PCSK5: variants seen among roughly 807,000 people sequenced by gnomAD.
The protein encoded by PCSK5 is proprotein convertase subtilisin/kexin type 5, also known as prohormone convertase 5.
A neutral mutation model predicts 233.2 loss-of-function variants in PCSK5; 129 were observed. The ratio of observed to expected loss-of-function variants is 0.55; its 90% CI spans 0.48 to 0.64. PCSK5 has a LOEUF of 0.64. PCSK5 is among the 30% of genes least tolerant of loss of function. PCSK5 has a pLI of 0.00. For missense variants in PCSK5, 2,076 were observed against 2,430.1 expected, an observed-to-expected ratio of 0.85 and a Z score of 3.06; for synonymous variants, 825 against 879.2, an observed-to-expected ratio of 0.94 and a Z score of 1.09.
chr9:76,094,285 C>A (rs1220568285), intron 7 of PCSK5, among the ~76,000 whole-genome samples: 1 of 152,054 alleles, frequency 6.6e-6, no homozygotes. Context: ...AGACAGCATC[C>A]CCCAAATGCT....
chr9:76,146,203 A>T (rs1054337139), intron 10 of PCSK5, among the ~76,000 whole-genome samples: 1 of 152,114 alleles, frequency 6.6e-6, no homozygotes, highest in African/African-American at 2.4e-5. Context: ...GAAATTTCCA[A>T]AGTCATCCTT....
chr9:76,112,165 A>G (rs901079377), intron 9 of PCSK5, among the ~76,000 whole-genome samples: 1 of 152,212 alleles, frequency 6.6e-6, no homozygotes, highest in African/African-American at 2.4e-5. Context: ...GGAAAATTGA[A>G]GAATATATGT....
intron 7 of PCSK5, among the ~76,000 whole-genome samples, chr9:76,082,108 G>T (rs970258593): frequency 1.2e-4 from 18 of 152,008 alleles, no homozygotes; most frequent in African/African-American, 4.1e-4. Flanking sequence ...GGGCATATAG[G>T]TTCTCTCACA....
intron 9 of PCSK5, among the ~76,000 whole-genome samples, chr9:76,126,144 TGTTA>T (rs1401454733): frequency 6.6e-6 from 1 of 150,574 alleles, no homozygotes; most frequent in Non-Finnish European, 1.5e-5. Flanking sequence ...AATAGATTTC[TGTTA>T]GTCTTTGTTG....
At chr9:76,124,130 C>G (rs1341490397) in intron 9 of PCSK5, among the ~76,000 whole-genome samples, 1 of 151,896 alleles carries the variant, frequency 6.6e-6, no homozygotes, top group Admixed American at 6.6e-5. Context: ...GAGCCTGGGC[C>G]CTGAAGTATA....
intron 3 of PCSK5, among the ~76,000 whole-genome samples, chr9:76,003,800 T>G (rs1827360092): frequency 6.8e-6 from 1 of 146,220 alleles, no homozygotes; most frequent in Non-Finnish European, 1.5e-5. Context: ...ATTTATTCCA[T>G]CTCTCTCTCT....
At chr9:76,079,779 C>T (rs1303657178) in intron 7 of PCSK5, among the ~76,000 whole-genome samples, 4 of 152,084 alleles carry the variant, frequency 2.6e-5, no homozygotes, top group Non-Finnish European at 4.4e-5. Context: ...TTTGACTGTT[C>T]AGTGCCTTGT....
At chr9:76,013,892 C>A (rs1372606253) in intron 3 of PCSK5, among the ~76,000 whole-genome samples, 1 of 151,428 alleles carries the variant, frequency 6.6e-6, no homozygotes, top group Non-Finnish European at 1.5e-5. Context: ...TCTCCTTGAC[C>A]CTGTATGTCT....
In PCSK5 at chr9:76,025,149, A is replaced by G. The variant is rs530839813; in HGVS notation, c.555+1268A>G. Among the ~76,000 whole-genome samples, 8 of 152,312 alleles carry G rather than the reference A, an allele frequency of 5.3e-5. No individual in the cohort carries two copies. The East Asian group carries it at 5.8e-4, about 11-fold the overall frequency. On this transcript the variant is annotated intron_variant, in intron 4 of 37. Coordinates refer to ENST00000674117, the MANE Select transcript of PCSK5 (RefSeq NM_001372043.1). Reference sequence around the variant, plus strand: ...GATTTCCCGAAACATTTCAGGCTCTATGTACTAAAAGTTATTTTCAGAAAG... The same window carrying G: ...GATTTCCCGAAACATTTCAGGCTCTGTGTACTAAAAGTTATTTTCAGAAAG...
chr9:76,124,872 T>A (rs1298708476), intron 9 of PCSK5, among the ~76,000 whole-genome samples: 3 of 152,178 alleles, frequency 2.0e-5, no homozygotes. Flanking sequence ...TCCTTTGCTT[T>A]TGCTAATACC....
rs533818247 is a variant in PCSK5, at chr9:76,117,344, G to A, written c.1208+9993G>A. On this transcript the variant is annotated intron_variant, in intron 9 of 37. Transcript: ENST00000674117. ...AAAGATAATTACATCTGGCATGAAG[G>A]AAAAAATAAAACAAAGCATTATATT... 3.7e-3 allele frequency among the ~76,000 whole-genome samples: 564 copies of A among 152,096 alleles called. 1 individual carries two copies. The highest frequency in any genetic ancestry group is 0.01 in the Admixed American group (157 of 15,256).
intron 24 of PCSK5, among the ~76,000 whole-genome samples, chr9:76,259,120 G>C (rs1587812569): frequency 6.6e-6 from 1 of 152,334 alleles, no homozygotes; most frequent in East Asian, 1.9e-4. Context: ...ATGTCTGTCT[G>C]AAGCTAGAAC....
intron 34 of PCSK5, among the ~76,000 whole-genome samples, chr9:76,337,679 G>A (rs1314802959): frequency 6.6e-6 from 1 of 151,988 alleles, no homozygotes; most frequent in East Asian, 1.9e-4. Context: ...TCACCATGTT[G>A]GCCAGGCTGG....
chr9:76,003,325 A>T (rs1827340549), intron 3 of PCSK5, among the ~76,000 whole-genome samples: 1 of 152,198 alleles, frequency 6.6e-6, no homozygotes, highest in Admixed American at 6.5e-5. Flanking sequence ...GTGAGCTGTG[A>T]TCATGTGTCT....
At chr9:76,023,412 C>T (rs916935785) in intron 3 of PCSK5, among the ~76,000 whole-genome samples, 7 of 152,098 alleles carry the variant, frequency 4.6e-5, no homozygotes, top group East Asian at 3.9e-4. Flanking sequence ...CACTTGTAAT[C>T]CCAGCACTTT....
At chr9:76,322,809 A>G (rs1419759775) in intron 31 of PCSK5, among the ~76,000 whole-genome samples, 1 of 152,186 alleles carries the variant, frequency 6.6e-6, no homozygotes, top group Non-Finnish European at 1.5e-5. Flanking sequence ...CTGCACCTCC[A>G]AAGGGCAGAC....
intron 12 of PCSK5, 41 bp downstream of exon 12, chr9:76,159,212 C>T (rs374146622): frequency 1.5e-5 from 23 of 1,563,158 alleles, no homozygotes; most frequent in East Asian, 9.0e-5. Flanking sequence ...GTAGTCACAG[C>T]GACACTCGGC....
chr9:75,935,871 A>G (rs180684674), intron 2 of PCSK5, among the ~76,000 whole-genome samples: 2 of 152,288 alleles, frequency 1.3e-5, no homozygotes, highest in East Asian at 1.9e-4. Flanking sequence ...GCTTTGTTTC[A>G]TTACTGGTAG....
intron 24 of PCSK5, among the ~76,000 whole-genome samples, chr9:76,267,984 C>CAT (rs1356372212): frequency 7.5e-6 from 1 of 133,270 alleles, no homozygotes; most frequent in African/African-American, 2.8e-5. Context: ...CACACACACA[C>CAT]ATTTGTGGGT....
Sources: allele counts gnomAD v4.1 joint callset (sites outside exome capture counted in the v4.1 genomes callset), GRCh38; gene constraint gnomAD v4.1.1; transcripts MANE v1.5; gene names NCBI Gene and HGNC (gene_info 2026-07-23, HGNC 2026-07-21).